The following MGAT5 variants were observed in gnomAD, a reference collection of about 807,000 sequenced individuals.
MGAT5 encodes the protein alpha-1,6-mannosylglycoprotein 6-beta-N-acetylglucosaminyltransferase, also known as alpha-1,6-mannosylglycoprotein 6-beta-N-acetylglucosaminyltransferase A.
In MGAT5, 30 loss-of-function variants were observed where a neutral mutation model predicts 94.3. The observed-to-expected ratio is 0.32, with a 90% CI of 0.24 to 0.43. The LOEUF is 0.43. Ranked by LOEUF, MGAT5 falls within the 20% of genes least tolerant of loss-of-function variation. MGAT5 has a pLI of 1.00. For missense variants in MGAT5, 691 were observed against 905.5 expected (o/e 0.76, Z 3.04); for synonymous variants, 310 against 322.9 (o/e 0.96, Z 0.43).
intron 1 of MGAT5, among the ~76,000 whole-genome samples, chr2:134,170,446 C>G (rs923645980): frequency 6.6e-6 from 1 of 152,190 alleles, no homozygotes; most frequent in African/African-American, 2.4e-5. Flanking sequence ...TGAGCCTGTT[C>G]TCCTAAGTTG....
chr2:134,120,601 G>A (rs941770801), intron 1 of MGAT5, among the ~76,000 whole-genome samples: 2 of 151,916 alleles, frequency 1.3e-5, no homozygotes, highest in African/African-American at 4.8e-5. Flanking sequence ...GGGCTTGTTG[G>A]CATTCCTAGG....
intron 1 of MGAT5, among the ~76,000 whole-genome samples, chr2:134,123,184 A>T (rs1357317515): frequency 2.6e-5 from 4 of 152,104 alleles, no homozygotes; most frequent in East Asian, 3.9e-4. Context: ...TGTCCTCCAA[A>T]AGCATTGAAA....
At chr2:134,242,464 G>A (rs1288520937) in intron 1 of MGAT5, among the ~76,000 whole-genome samples, 1 of 152,192 alleles carries the variant, frequency 6.6e-6, no homozygotes, top group African/African-American at 2.4e-5. Context: ...TATAAGTTCT[G>A]TACGTGTTAT....
intron 1 of MGAT5, among the ~76,000 whole-genome samples, chr2:134,131,980 C>T (rs1032465305): frequency 1.3e-5 from 2 of 152,148 alleles, no homozygotes; most frequent in African/African-American, 2.4e-5. Context: ...TCTAGGTCGG[C>T]CAGGGTTACC....
At chr2:134,254,678 T>G in intron 1 of MGAT5, 34 bp downstream of exon 1, 1 of 1,611,414 alleles carries the variant, frequency 6.2e-7, no homozygotes, top group African/African-American at 1.3e-5. Context: ...TCCATTAAAG[T>G]GTGCCTTGGC....
chr2:134,371,762 C>T (rs1680816082), intron 10 of MGAT5, among the ~76,000 whole-genome samples: 2 of 152,104 alleles, frequency 1.3e-5, no homozygotes, highest in Non-Finnish European at 2.9e-5. Flanking sequence ...CTTCTCATAG[C>T]TTACAGTTCC....
chr2:134,215,237 T>C (rs1680420349), intron 1 of MGAT5, among the ~76,000 whole-genome samples: 2 of 152,242 alleles, frequency 1.3e-5, no homozygotes, highest in Admixed American at 1.3e-4. Context: ...AACATTCTAG[T>C]ATATGATATA....
At chr2:134,289,233 C>G (rs950228085) in intron 2 of MGAT5, among the ~76,000 whole-genome samples, 1 of 152,206 alleles carries the variant, frequency 6.6e-6, no homozygotes, top group African/African-American at 2.4e-5. Flanking sequence ...GACTGCTCTT[C>G]TACTCCATGG....
intron 11 of MGAT5, among the ~76,000 whole-genome samples, chr2:134,406,202 A>G (rs946416416): frequency 5.3e-5 from 8 of 152,204 alleles, no homozygotes; most frequent in African/African-American, 1.7e-4. Flanking sequence ...TGTTTCATAT[A>G]TGATACTGAA....
At chr2:134,171,666 TTG>T (rs1688217208) in intron 1 of MGAT5, among the ~76,000 whole-genome samples, 1 of 152,218 alleles carries the variant, frequency 6.6e-6, no homozygotes, top group African/African-American at 2.4e-5. Context: ...TACAATCTCT[TTG>T]TCAGCCTGTT....
chr2:134,285,375 C>T (rs1684942073), intron 2 of MGAT5, among the ~76,000 whole-genome samples: 1 of 151,996 alleles, frequency 6.6e-6, no homozygotes, highest in African/African-American at 2.4e-5. Context: ...TAAATAACTA[C>T]ATAATAACTA....
chr2:134,313,269 G>C (rs1039466123), intron 2 of MGAT5, among the ~76,000 whole-genome samples: 4 of 152,060 alleles, frequency 2.6e-5, no homozygotes, highest in African/African-American at 9.7e-5. Context: ...GTGACATCTC[G>C]TGCTGCTTCT....
chr2:134,333,839 T>C (rs1263030923), intron 4 of MGAT5, among the ~76,000 whole-genome samples: 1 of 152,218 alleles, frequency 6.6e-6, no homozygotes, highest in Non-Finnish European at 1.5e-5. Flanking sequence ...TTGCCAATGC[T>C]GGCTTTCTTC....
chr2:134,189,607 T>TTTTGTTTTTTTTTTG (rs1553490427), intron 1 of MGAT5, among the ~76,000 whole-genome samples: 1 of 80,618 alleles, frequency 1.2e-5, no homozygotes, highest in African/African-American at 5.6e-5. Context: ...TTTTTGTTTT[T>TTTTGTTTTTTTTTTG]TTTTTTTTTT....
chr2:134,417,164 A>C (rs554987168), intron 12 of MGAT5, among the ~76,000 whole-genome samples: 1 of 152,210 alleles, frequency 6.6e-6, no homozygotes, highest in African/African-American at 2.4e-5. Flanking sequence ...GACTTGCTAG[A>C]ATTTACTTTT....
chr2:134,207,363 G>A (rs892028669), intron 1 of MGAT5, among the ~76,000 whole-genome samples: 1 of 152,136 alleles, frequency 6.6e-6, no homozygotes, highest in African/African-American at 2.4e-5. Context: ...TTTAGGAGCT[G>A]TTATTTTGCC....
chr2:134,312,206 C>G (rs1686717954), intron 2 of MGAT5, among the ~76,000 whole-genome samples: 1 of 152,168 alleles, frequency 6.6e-6, no homozygotes, highest in Non-Finnish European at 1.5e-5. Context: ...TGCACTCCAA[C>G]CTAGGTGACA....
intron 13 of MGAT5, among the ~76,000 whole-genome samples, chr2:134,426,124 T>C (rs1164808639): frequency 2.0e-5 from 3 of 152,182 alleles, no homozygotes; most frequent in African/African-American, 4.8e-5. Context: ...GTCAGGACTC[T>C]GAAGAGCTTT....
chr2:134,168,982 T>C (rs1387605230), intron 1 of MGAT5, among the ~76,000 whole-genome samples: 2 of 152,160 alleles, frequency 1.3e-5, no homozygotes, highest in Non-Finnish European at 2.9e-5. Context: ...TGGGGAGATG[T>C]GAGACCTGCA....
Sources: allele counts gnomAD v4.1 joint callset (sites outside exome capture counted in the v4.1 genomes callset), GRCh38; gene constraint gnomAD v4.1.1; transcripts MANE v1.5; gene names NCBI Gene and HGNC (gene_info 2026-07-23, HGNC 2026-07-21).